The following CCDC91 variants were observed in gnomAD, a reference collection of about 807,000 sequenced individuals.
CCDC91 encodes coiled-coil domain-containing protein 91.
A neutral mutation model predicts 63.2 loss-of-function variants in CCDC91; 48 were observed. The ratio of observed to expected loss-of-function variants is 0.76; its 90% CI spans 0.60 to 0.97. CCDC91 has a LOEUF of 0.97. Among genes scored for constraint, CCDC91 ranks in the 50% least tolerant of loss-of-function variants. The pLI is 0.00. For synonymous variants in CCDC91, 167 were observed against 165.8 expected, an observed-to-expected ratio of 1.01 and a Z score of -0.06; for missense variants, 500 against 494.6, an observed-to-expected ratio of 1.01 and a Z score of -0.10.
intron 12 of CCDC91, among the ~76,000 whole-genome samples, chr12:28,498,877 C>G (rs1427756971): frequency 6.6e-6 from 1 of 151,624 alleles, no homozygotes; most frequent in Non-Finnish European, 1.5e-5. Context: ...TTTCCCCCTA[C>G]TATAAAATAT....
intron 3 of CCDC91, among the ~76,000 whole-genome samples, chr12:28,296,019 A>T (rs1949543500): frequency 6.6e-6 from 1 of 151,712 alleles, no homozygotes; most frequent in Non-Finnish European, 1.5e-5. Flanking sequence ...GACTCCTTAT[A>T]TCATTTTTTA....
intron 12 of CCDC91, among the ~76,000 whole-genome samples, chr12:28,537,150 A>G (rs1210659926): frequency 1.2e-4 from 19 of 152,204 alleles, no homozygotes. Flanking sequence ...TATTTTTAAC[A>G]TTTTTAGGTG....
Position 28,279,507 on chromosome 12 carries a change from C to T in CCDC91, c.109+20065C>T, listed in dbSNP as rs187210996. ...AAATATTCCACTGAACTAAACCATG[C>T]ATTTCCTGACCCTGGGAAGGGAGGC... On this transcript the variant is annotated intron_variant, in intron 3 of 12. Transcript: ENST00000536442. Among the ~76,000 whole-genome samples the T allele has an allele frequency of 2.0e-5, 3 of 152,176 alleles. No homozygotes were observed. In the East Asian group the frequency reaches 5.8e-4, roughly 29 times the overall value.
chr12:28,243,445 T>C (rs577189530), intron 1 of CCDC91, among the ~76,000 whole-genome samples: 1 of 152,202 alleles, frequency 6.6e-6, no homozygotes, highest in Non-Finnish European at 1.5e-5. Flanking sequence ...ATTCACTACA[T>C]TCACCAAAAA....
chr12:28,393,127 G>A (rs1946053132), intron 8 of CCDC91, among the ~76,000 whole-genome samples: 2 of 151,894 alleles, frequency 1.3e-5, no homozygotes, highest in Admixed American at 1.3e-4. Flanking sequence ...TGCTCTTTGG[G>A]GTCTTGTAGG....
chr12:28,318,248 A>G (rs1275142137), intron 6 of CCDC91, among the ~76,000 whole-genome samples: 3 of 151,800 alleles, frequency 2.0e-5, no homozygotes, highest in Non-Finnish European at 2.9e-5. Context: ...GATTATTAGT[A>G]CGGTGGTTCA....
chr12:28,409,225 A>G (rs1417558299), intron 8 of CCDC91, among the ~76,000 whole-genome samples: 1 of 152,146 alleles, frequency 6.6e-6, no homozygotes, highest in East Asian at 1.9e-4. Context: ...TGTTTTTGTC[A>G]AAGCCCCTTT....
chr12:28,511,744 C>T (rs1165024311), intron 12 of CCDC91, among the ~76,000 whole-genome samples: 3 of 151,806 alleles, frequency 2.0e-5, no homozygotes, highest in Non-Finnish European at 2.9e-5. Flanking sequence ...ACTGTGTCTG[C>T]GCACTCATAT....
chr12:28,474,798 G>A (rs542495728), intron 11 of CCDC91, among the ~76,000 whole-genome samples: 47 of 151,662 alleles, frequency 3.1e-4, no homozygotes, highest in African/African-American at 1.1e-3. Context: ...AAATGTAAAA[G>A]AACAGAAATT....
At chr12:28,459,389 T>C (rs11049627) in intron 11 of CCDC91, among the ~76,000 whole-genome samples, 31,743 of 152,068 alleles carry the variant, frequency 0.21, 4,347 homozygotes, top group Non-Finnish European at 0.31. Context: ...TAGATTATAA[T>C]ATATAGGACC....
At chr12:28,297,940 C>T (rs547585246) in intron 3 of CCDC91, among the ~76,000 whole-genome samples, 13 of 151,698 alleles carry the variant, frequency 8.6e-5, no homozygotes, top group East Asian at 5.8e-4. Flanking sequence ...TGTCTATATA[C>T]GTGGACAATA....
chr12:28,356,888 T>A (rs867728554), intron 6 of CCDC91, among the ~76,000 whole-genome samples: 1 of 152,196 alleles, frequency 6.6e-6, no homozygotes. Context: ...GGTTAGTTGA[T>A]CTTTGGAATT....
intron 8 of CCDC91, among the ~76,000 whole-genome samples, chr12:28,409,670 G>A (rs926118029): frequency 6.6e-6 from 1 of 152,008 alleles, no homozygotes; most frequent in Non-Finnish European, 1.5e-5. Context: ...CTAAAATGTA[G>A]ATATTTAATG....
chr12:28,192,055 C>A (rs149719638), intron 1 of CCDC91, among the ~76,000 whole-genome samples: 1 of 152,252 alleles, frequency 6.6e-6, no homozygotes, highest in African/African-American at 2.4e-5. Context: ...AATGTAGCTT[C>A]TTATTGGAGT....
chr12:28,288,409 G>A lies in CCDC91; in HGVS notation c.110-17240G>A, dbSNP rs192800789. On this transcript the variant is annotated intron_variant, in intron 3 of 12. Transcript: ENST00000536442. The stretch of plus-strand genomic sequence containing the variant: ...TTTATTGAGAGTTTTTAACATGAAG[G>A]AATGTTGAATTTTATCAAAAGCCTT... Among the ~76,000 whole-genome samples, 357 of 152,272 alleles carry A rather than the reference G, an allele frequency of 2.3e-3. 2 individuals carry two copies. Among genetic ancestry groups the A allele is most frequent in the African/African-American group, 8.1e-3 (338 of 41,566 alleles).
At chr12:28,452,014 A>T (rs956646721) in intron 10 of CCDC91, among the ~76,000 whole-genome samples, 3 of 149,874 alleles carry the variant, frequency 2.0e-5, no homozygotes, top group African/African-American at 7.4e-5. Flanking sequence ...ATACAGTAGC[A>T]TTTTCCTTTT....
chr12:28,327,890 A>G (rs903107187), intron 6 of CCDC91, among the ~76,000 whole-genome samples: 7 of 152,046 alleles, frequency 4.6e-5, no homozygotes, highest in African/African-American at 1.7e-4. Flanking sequence ...ATAATAGGGA[A>G]CTTCTGACCT....
At position 28,267,846 on chromosome 12, in the gene CCDC91, TATATAGTA is replaced by T. The variant is rs1156718287; in HGVS notation, c.109+8410_109+8417del. Among the ~76,000 whole-genome samples, 45 of 29,728 alleles carry T rather than the reference TATATAGTA, an allele frequency of 1.5e-3. 1 individual carries two copies. The highest frequency in any genetic ancestry group is 4.9e-3 in the African/African-American group (35 of 7,212). 19.5% of individuals were successfully genotyped at this position (29,728 alleles called of 152,430 possible). On this transcript the variant is annotated intron_variant, in intron 3 of 12. Transcript: ENST00000536442. ...TTATTAATATATAATTATATATAAT[TATATAGTA>T]ATATATAATTATATATAATTATATA... is the stretch of plus-strand genomic sequence containing the variant.
At chr12:28,275,929 T>A (rs1464400756) in intron 3 of CCDC91, among the ~76,000 whole-genome samples, 1 of 152,088 alleles carries the variant, frequency 6.6e-6, no homozygotes, top group Non-Finnish European at 1.5e-5. Context: ...CAACCCTTCA[T>A]GCGAAAAACT....
Sources: gnomAD v4.1 joint callset for allele counts (sites outside exome capture counted in the v4.1 genomes callset) on GRCh38, gnomAD v4.1.1 for gene constraint, MANE v1.5 for transcripts, NCBI Gene and HGNC (gene_info 2026-07-23, HGNC 2026-07-21) for gene names.